AHSA1: variants seen among roughly 807,000 people sequenced by gnomAD.
The protein encoded by AHSA1 is activator of HSP90 ATPase activity 1.
In AHSA1, 14 loss-of-function variants were observed where a neutral mutation model predicts 46.1. The ratio of observed to expected loss-of-function variants is 0.30; its 90% confidence interval spans 0.20 to 0.47. The LOEUF (loss-of-function observed/expected upper bound fraction) is 0.47. Among genes scored for constraint, AHSA1 ranks in the 20% least tolerant of loss-of-function variants. The pLI is 0.99. For synonymous variants in AHSA1, 147 were observed against 145.8 expected, an observed-to-expected ratio of 1.01 and a Z score of -0.06; for missense variants, 333 against 415.9, an observed-to-expected ratio of 0.80 and a Z score of 1.73.
rs939045674 is a variant in AHSA1, at chr14:77,462,320, G to T, written c.354+78G>T. ...ATGAGAAAAGTGACCTGTCATTCAG[G>T]ATTCATAGCCCAGGCTTGGTCCAAG... On this transcript the variant is annotated intron_variant, in intron 3 of 8. Coordinates refer to ENST00000216479, the MANE Select transcript of AHSA1 (RefSeq NM_012111.3). The T allele has an allele frequency of 3.6e-6, 5 of 1,392,688 alleles. No homozygotes were observed. In the East Asian group the frequency reaches 9.3e-5, roughly 26 times the overall value. 86.3% of individuals were successfully genotyped at this position (1,392,688 alleles called of 1,614,324 possible). A position where few individuals can be genotyped will look rare whatever the true frequency, so the allele number is the denominator to read the frequency against.
chr14:77,460,399 G>T (rs1433245053), intron 2 of AHSA1, among the ~76,000 whole-genome samples: 4 of 149,270 alleles, frequency 2.7e-5, no homozygotes, highest in Non-Finnish European at 5.9e-5. Context: ...GTCTGTGTAT[G>T]GGGCAAAGCA....
intron 6 of AHSA1, among the ~76,000 whole-genome samples, chr14:77,467,642 C>T (rs910246946): frequency 1.3e-5 from 2 of 152,264 alleles, no homozygotes; most frequent in Middle Eastern, 3.4e-3. Context: ...TTGCGTGAGC[C>T]GAGATCGCGC....
intron 4 of AHSA1, among the ~76,000 whole-genome samples, chr14:77,463,378 C>T (rs796149092): frequency 1.1e-4 from 16 of 152,070 alleles, no homozygotes; most frequent in African/African-American, 2.9e-4. Context: ...CACCTGAGGT[C>T]GGGAGTTCGA....
At chr14:77,461,543 G>A (rs754637070) in intron 2 of AHSA1, among the ~76,000 whole-genome samples, 1 of 152,154 alleles carries the variant, frequency 6.6e-6, no homozygotes, top group Non-Finnish European at 1.5e-5. Flanking sequence ...GGGGGAAAAG[G>A]TGGGCATCAG....
At position 77,464,691 on chromosome 14, in the gene AHSA1, A is replaced by G. The variant is rs61755659; in HGVS notation, c.561+5A>G. On this transcript the variant is annotated splice_donor_5th_base_variant and intron_variant, in intron 5 of 8. Transcript: ENST00000216479. Reference sequence around the variant, plus strand: ...CTGAAAACTGAGGAGCGCAAGGTAAATGGTTTTCCTGGGGTGGGAGACTGT... The same window carrying G: ...CTGAAAACTGAGGAGCGCAAGGTAAGTGGTTTTCCTGGGGTGGGAGACTGT... 10,876 of 1,612,102 alleles carry G rather than the reference A, an allele frequency of 6.7e-3. 82 individuals carry two copies. Among genetic ancestry groups the G allele is most frequent in the Middle Eastern group, 6.9e-3 (37 of 5,350 alleles).
intron 8 of AHSA1, 65 bp downstream of exon 8, chr14:77,468,573 T>TA: frequency 6.8e-7 from 1 of 1,480,948 alleles, no homozygotes; most frequent in Middle Eastern, 1.8e-4. Flanking sequence ...TTTTTTTTTT[T>TA]TTTTTTTTGG....
In AHSA1 at chr14:77,458,103, A is replaced by T; in HGVS notation, c.-87A>T. The stretch of plus-strand genomic sequence containing the variant: ...CTTGCGGCCGCTTCTAGTAGTTTCC[A>T]GGCGCTGCCGGGCGGCTGGCACTAA... On this transcript the variant is annotated 5_prime_UTR_variant, in exon 1 of 9. Transcript: ENST00000216479. The T allele has an allele frequency of 8.0e-7, 1 of 1,253,922 alleles. No individual in the cohort carries two copies. The highest frequency in any genetic ancestry group is 2.9e-4 in the Middle Eastern group (1 of 3,490). The allele number at this position is 1,253,922 out of a possible 1,614,324, so 77.7% of individuals were successfully genotyped here. A position where few individuals can be genotyped will look rare whatever the true frequency, so the allele number is the denominator to read the frequency against.
intron 5 of AHSA1, among the ~76,000 whole-genome samples, chr14:77,465,328 T>C (rs2079043317): frequency 6.6e-6 from 1 of 152,242 alleles, no homozygotes; most frequent in African/African-American, 2.4e-5. Context: ...TGTAGAGTGG[T>C]TATTTTTACT....
At chr14:77,463,090 G>A (rs1271011289) in intron 4 of AHSA1, 2 of 228,896 alleles carry the variant, frequency 8.7e-6, no homozygotes, top group Non-Finnish European at 1.8e-5. Context: ...GACCAGCCTG[G>A]GCAACATGGC....
intron 3 of AHSA1, 172 bp downstream of exon 3, chr14:77,462,414 T>C: frequency 1.4e-6 from 1 of 733,948 alleles, no homozygotes; most frequent in Non-Finnish European, 2.3e-6. Flanking sequence ...TAGAGCAATT[T>C]GCACTTCTTT....
chr14:77,468,623 C>T, intron 8 of AHSA1, 115 bp downstream of exon 8: 2 of 943,928 alleles, frequency 2.1e-6, no homozygotes, highest in Non-Finnish European at 1.6e-6. Context: ...AGTGCAGTGG[C>T]ATAATCACAG....
intron 2 of AHSA1, among the ~76,000 whole-genome samples, chr14:77,461,909 C>CA (rs1364457202): frequency 6.6e-6 from 1 of 152,216 alleles, no homozygotes; most frequent in African/African-American, 2.4e-5. Flanking sequence ...TGGTATAACT[C>CA]ATGCTAGTAC....
Position 77,464,769 on chromosome 14 carries a change from T to C in AHSA1, c.561+83T>C, listed in dbSNP as rs1489004214. On this transcript the variant is annotated intron_variant, in intron 5 of 8. Transcript: ENST00000216479. ...CTTAATTCCACATATCAGCTCTCTG[T>C]GTCCCTAACCTCTAAGCCAGACCAG... 4 of 1,265,836 alleles carry C rather than the reference T, an allele frequency of 3.2e-6. No individual in the cohort carries two copies. The Admixed American group carries it at 6.5e-5, about 21-fold the overall frequency. The allele number at this position is 1,265,836 out of a possible 1,614,324, so 78.4% of individuals were successfully genotyped here.
In AHSA1 at chr14:77,465,564, A is replaced by G. The variant is rs1016684032; in HGVS notation, c.587A>G (p.Gln196Arg). Residue 196 changes from glutamine to arginine, a missense_variant, in exon 6 of 9, where the codon CAG becomes CGG. Gln to Arg is a conservative substitution (Grantham distance 43). Transcript: ENST00000216479. The stretch of plus-strand genomic sequence containing the variant: ...GCTAAGCCTGCTCCTTCAAAAACCC[A>G]GGCCAGACCTGTTGGAGTCAAAATC... ...RKAKPAPSKT[Q>R]ARPVGVKIPT... The G allele has an allele frequency of 6.2e-7, 1 of 1,614,014 alleles. No individual in the cohort carries two copies. Among genetic ancestry groups the G allele is most frequent in the Non-Finnish European group, 8.5e-7 (1 of 1,179,858 alleles).
chr14:77,462,029 T>C (rs2079027640), intron 2 of AHSA1, 131 bp from the exon 3 acceptor site: 1 of 631,602 alleles, frequency 1.6e-6, no homozygotes, highest in Non-Finnish European at 2.8e-6. Flanking sequence ...ATCTGGCATG[T>C]GGCATTCTCA....
At chr14:77,464,808 C>T (rs1028536792) in intron 5 of AHSA1, 122 bp downstream of exon 5, 106 of 800,384 alleles carry the variant, frequency 1.3e-4, no homozygotes, top group Non-Finnish European at 1.9e-4. Flanking sequence ...GCGATCTGCT[C>T]ATGGTGCTTT....
At chr14:77,466,300 AC>A (rs370049738) in intron 6 of AHSA1, 5 of 152,698 alleles carry the variant, frequency 3.3e-5, no homozygotes, top group African/African-American at 1.2e-4. Flanking sequence ...ATAAGTAGAA[AC>A]CACTGAGTGA....
At chr14:77,464,292 G>A (rs2079038629) in intron 4 of AHSA1, among the ~76,000 whole-genome samples, 1 of 152,126 alleles carries the variant, frequency 6.6e-6, no homozygotes, top group Non-Finnish European at 1.5e-5. Context: ...CAGGAGAATA[G>A]CTTGAACCAG....
chr14:77,462,455 TCTAA>T (rs1430440212), intron 3 of AHSA1, 183 bp from the exon 4 acceptor site: 7 of 729,204 alleles, frequency 9.6e-6, no homozygotes, highest in South Asian at 1.8e-5. Context: ...TGACATGGGT[TCTAA>T]CTAACATTAG....
Sources: allele counts gnomAD v4.1 joint callset (sites outside exome capture counted in the v4.1 genomes callset), GRCh38; gene constraint gnomAD v4.1.1; transcripts MANE v1.5; gene names NCBI Gene and HGNC (gene_info 2026-07-23, HGNC 2026-07-21).